Variants in ZNF282 observed in about 807,000 individuals in gnomAD.
ZNF282 encodes the protein zinc finger protein 282.
ZNF282 carries 30 observed loss-of-function variants against 61.9 expected under a neutral mutation model. The ratio of observed to expected loss-of-function variants is 0.48; its 90% CI spans 0.36 to 0.66. The LOEUF is 0.66. Among genes scored for constraint, ZNF282 ranks in the 30% least tolerant of loss-of-function variants. The pLI, the probability that ZNF282 is intolerant of heterozygous loss-of-function variation, is 0.00. For missense variants in ZNF282, 788 were observed against 941.4 expected (o/e 0.84, Z 2.13); for synonymous variants, 396 against 405.0 (o/e 0.98, Z 0.27).
chr7:149,221,269 T>C (rs1796245410), intron 7 of ZNF282, among the ~76,000 whole-genome samples: 1 of 152,140 alleles, frequency 6.6e-6, no homozygotes, highest in Admixed American at 6.5e-5. Flanking sequence ...ACTGGAGTTC[T>C]CCAGGCAAGC....
chr7:149,211,245 G>T (rs1002679305), intron 5 of ZNF282, among the ~76,000 whole-genome samples: 11 of 152,200 alleles, frequency 7.2e-5, no homozygotes, highest in African/African-American at 2.7e-4. Context: ...GAGTTCTCCA[G>T]AGAAACAGGA....
In ZNF282 at chr7:149,212,350, G is replaced by T. The variant is rs781577345; in HGVS notation, c.953-8G>T. 4 of 1,601,164 alleles carry T rather than the reference G, an allele frequency of 2.5e-6. No individual in the cohort carries two copies. Among genetic ancestry groups the T allele is most frequent in the Non-Finnish European group, 3.4e-6 (4 of 1,174,466 alleles). On this transcript the variant is annotated splice_polypyrimidine_tract_variant and splice_region_variant and intron_variant, in intron 5 of 7. Coordinates refer to ENST00000610704, the MANE Select transcript of ZNF282 (RefSeq NM_003575.4). ...TAACACCTTTGCCGCTCTTGTTCCC[G>T]CAAGTAGACTCCCCAATTTCTGCCC...
In ZNF282 at chr7:149,224,890, TC is replaced by T; in HGVS notation, c.*245del. On this transcript the variant is annotated 3_prime_UTR_variant, in exon 8 of 8. Coordinates refer to ENST00000610704, the MANE Select transcript of ZNF282 (RefSeq NM_003575.4). Reference sequence around the variant, plus strand: ...CAGGGGGACCGCGAGGAGCCGAGCGTCCTCGGGCACCGCCCTCACACCTCCT... The same window carrying T: ...CAGGGGGACCGCGAGGAGCCGAGCGTCTCGGGCACCGCCCTCACACCTCCT... 5 of 654,694 alleles carry T rather than the reference TC, an allele frequency of 7.6e-6. No individual in the cohort carries two copies. In the South Asian group the frequency reaches 1.2e-4, roughly 16 times the overall value. The allele number at this position is 654,694 out of a possible 1,614,324, so 40.6% of individuals were successfully genotyped here. A position where few individuals can be genotyped will look rare whatever the true frequency, so the allele number is the denominator to read the frequency against.
At position 149,198,250 on chromosome 7, in the gene ZNF282, T is replaced by C. The variant is rs968701831; in HGVS notation, c.166-83T>C. On this transcript the variant is annotated intron_variant, in intron 1 of 7. Transcript: ENST00000610704. This position sits in a 1 kb window ranked among gnomAD's most constrained non-coding sequence, Gnocchi z 4.3. ...AAGAAAGACGACATGTAGCATCTGA[T>C]TAGTTGACCCCTGTTCCCAGCTGAC... 25 of 1,465,496 alleles carry C rather than the reference T, an allele frequency of 1.7e-5. No homozygotes were observed. In the Admixed American group the frequency reaches 2.2e-4, roughly 13 times the overall value. The allele number at this position is 1,465,496 out of a possible 1,614,324, so 90.8% of individuals were successfully genotyped here. A position where few individuals can be genotyped will look rare whatever the true frequency, so the allele number is the denominator to read the frequency against.
At chr7:149,197,469 T>C (rs1795836458) in intron 1 of ZNF282, among the ~76,000 whole-genome samples, 1 of 152,194 alleles carries the variant, frequency 6.6e-6, no homozygotes, top group Admixed American at 6.5e-5. Context: ...GTGGGTTTTT[T>C]TGTTGTTTAT....
At chr7:149,195,848 T>C (rs2129522867) in intron 1 of ZNF282, 94 bp downstream of exon 1, 2 of 1,131,272 alleles carry the variant, frequency 1.8e-6, no homozygotes, top group East Asian at 8.2e-5. Context: ...TCCGGTAGCC[T>C]TGCGGCGCCC....
chr7:149,218,074 G>T lies in ZNF282; in HGVS notation c.1180+4260G>T, dbSNP rs184980800. On this transcript the variant is annotated intron_variant, in intron 7 of 7. Coordinates refer to ENST00000610704, the MANE Select transcript of ZNF282 (RefSeq NM_003575.4). ...AGTGAGATCATGCCACTGCACTCCA[G>T]CCTGGGTAACAAAGCGAGACCCTGT... Among the ~76,000 whole-genome samples the T allele has an allele frequency of 4.5e-3, 673 of 149,540 alleles. 4 individuals carry two copies. The highest frequency in any genetic ancestry group is 8.2e-3 in the Non-Finnish European group (555 of 67,664).
intron 2 of ZNF282, among the ~76,000 whole-genome samples, chr7:149,205,948 C>T (rs1203547259): frequency 6.6e-6 from 1 of 152,132 alleles, no homozygotes; most frequent in Non-Finnish European, 1.5e-5. Flanking sequence ...TTATCAAAGT[C>T]ATGGAAGTGA....
chr7:149,200,390 C>A (rs957917555), intron 2 of ZNF282, among the ~76,000 whole-genome samples: 2 of 152,128 alleles, frequency 1.3e-5, no homozygotes, highest in Non-Finnish European at 2.9e-5. Context: ...CTCCGTGAAA[C>A]CCCTTGCCGT....
At chr7:149,201,834 C>CT (rs1274262447) in intron 2 of ZNF282, among the ~76,000 whole-genome samples, 1 of 152,202 alleles carries the variant, frequency 6.6e-6, no homozygotes, top group Non-Finnish European at 1.5e-5. Context: ...CCCACGCTCT[C>CT]TTCCCCTGCC....
intron 7 of ZNF282, among the ~76,000 whole-genome samples, chr7:149,214,647 T>C (rs992552609): frequency 1.3e-4 from 19 of 151,956 alleles, no homozygotes; most frequent in African/African-American, 4.6e-4. Flanking sequence ...CTGGGTAACA[T>C]AGTGAGACCC....
chr7:149,210,746 G>A, intron 5 of ZNF282, 42 bp downstream of exon 5: 1 of 1,511,080 alleles, frequency 6.6e-7, no homozygotes. Flanking sequence ...GAGGGGAGGG[G>A]AGGGGAGAGG....
At chr7:149,206,099 G>A (rs980210934) in intron 2 of ZNF282, among the ~76,000 whole-genome samples, 1 of 152,176 alleles carries the variant, frequency 6.6e-6, no homozygotes, top group Non-Finnish European at 1.5e-5. Context: ...ACCACGCGAC[G>A]ACTCGGGCCG....
intron 7 of ZNF282, among the ~76,000 whole-genome samples, chr7:149,214,023 C>T (rs1796126111): frequency 6.6e-6 from 1 of 152,168 alleles, no homozygotes; most frequent in Non-Finnish European, 1.5e-5. Context: ...AACAGGGTAC[C>T]ACAGGCTGGG....
rs1235235602 is a variant in ZNF282, at chr7:149,198,362, G to A, written c.195G>A (p.Arg65=). ...AAGAATGGGACATGGACGCCCGGCG[G>A]CCAATGCCTTTTCAGTTCCCACCCT... ...QAQEWDMDAR[R]PMPFQFPPFP... Residue 65 remains arginine, a synonymous_variant, in exon 2 of 8, where the codon CGG becomes CGA. Coordinates refer to ENST00000610704, the MANE Select transcript of ZNF282 (RefSeq NM_003575.4). This position sits in a 1 kb window ranked among gnomAD's most constrained non-coding sequence, Gnocchi z 4.3. The A allele has an allele frequency of 8.1e-6, 13 of 1,613,034 alleles. No individual in the cohort carries two copies. Among genetic ancestry groups the A allele is most frequent in the Non-Finnish European group, 1.1e-5 (13 of 1,179,256 alleles).
At chr7:149,220,557 G>A (rs66754060) in intron 7 of ZNF282, among the ~76,000 whole-genome samples, 1 of 152,096 alleles carries the variant, frequency 6.6e-6, no homozygotes, top group Non-Finnish European at 1.5e-5. Context: ...GACCATCCTC[G>A]GTGTGGCTTC....
intron 1 of ZNF282, among the ~76,000 whole-genome samples, chr7:149,197,670 G>C (rs183570853): frequency 7.2e-5 from 11 of 152,256 alleles, no homozygotes; most frequent in African/African-American, 2.6e-4. Context: ...ACAGGGTTTC[G>C]CCATGTTGGC....
intron 2 of ZNF282, among the ~76,000 whole-genome samples, chr7:149,203,256 AGACTT>A (rs780770166): frequency 3.7e-4 from 56 of 152,302 alleles, no homozygotes; most frequent in South Asian, 2.7e-3. Flanking sequence ...GCATTAGAGG[AGACTT>A]GACTTGACAA....
rs2129523017 is a variant in ZNF282 at position 149,198,940 on chromosome 7, C to G, written c.585+188C>G. 6.6e-6 allele frequency among the ~76,000 whole-genome samples: 1 copy of G among 152,354 alleles called. No homozygotes were observed. Among genetic ancestry groups the G allele is most frequent in the Admixed American group, 6.5e-5 (1 of 15,312 alleles). Reference sequence around the variant, plus strand: ...GGACGTTCTACCCCAGCAAGGCTCACTCCATTCATTCCCCACAGTCTGCAT... The same window carrying G: ...GGACGTTCTACCCCAGCAAGGCTCAGTCCATTCATTCCCCACAGTCTGCAT... On this transcript the variant is annotated intron_variant, in intron 2 of 7. Coordinates refer to ENST00000610704, the MANE Select transcript of ZNF282 (RefSeq NM_003575.4). This position sits in a 1 kb window ranked among gnomAD's most constrained non-coding sequence, Gnocchi z 4.3.
Sources: gnomAD v4.1 joint callset for allele counts (sites outside exome capture counted in the v4.1 genomes callset) on GRCh38, gnomAD v4.1.1 for gene constraint, Gnocchi (gnomAD v3.1) non-coding constraint, MANE v1.5 for transcripts, NCBI Gene and HGNC (gene_info 2026-07-23, HGNC 2026-07-21) for gene names.